The following DHX30 variants were observed in gnomAD, a reference collection of about 807,000 sequenced individuals.
DHX30 encodes the protein DExH-box helicase 30, also known as ATP-dependent RNA helicase DHX30.
In DHX30, 4 loss-of-function variants were observed where a neutral mutation model predicts 116.9. The observed-to-expected ratio is 0.03, with a 90% CI of 0.02 to 0.08. DHX30 has a LOEUF of 0.08. Ranked by LOEUF, DHX30 falls within the 10% of genes least tolerant of loss-of-function variation. The pLI is 1.00. For synonymous variants in DHX30, 697 were observed against 651.7 expected, an observed-to-expected ratio of 1.07 and a Z score of -1.06; for missense variants, 871 against 1,595.1, an observed-to-expected ratio of 0.55 and a Z score of 7.73.
At chr3:47,821,698 G>A (rs2036308934) in intron 4 of DHX30, among the ~76,000 whole-genome samples, 1 of 152,176 alleles carries the variant, frequency 6.6e-6, no homozygotes. Context: ...CTGGGTTTGA[G>A]CCATTCTCCT....
intron 6 of DHX30, 129 bp from the exon 7 acceptor site, chr3:47,840,748 G>A: frequency 1.8e-6 from 2 of 1,116,956 alleles, no homozygotes; most frequent in South Asian, 2.9e-5. Flanking sequence ...TGGACTAGGG[G>A]CTGAAGTGGG....
rs777049115 is a variant in DHX30, at chr3:47,845,838, A to G, written c.1078A>G (p.Thr360Ala). 14 of 1,599,302 alleles carry G rather than the reference A, an allele frequency of 8.8e-6. No individual in the cohort carries two copies. The African/African-American group carries it at 1.7e-4, about 20-fold the overall frequency. ...VPEPILRKIETFLNHYPVESS... is the reference protein window; with the variant it reads ...VPEPILRKIEAFLNHYPVESS... ...CGAGCCCATCCTCCGCAAGATAGAG[A>G]CCTTCCTGAACCATGTAAGAGGCCC... is the stretch of plus-strand genomic sequence containing the variant. Residue 360 changes from threonine to alanine, a missense_variant, in exon 10 of 22, where the codon ACC becomes GCC. Transcript: ENST00000445061.
chr3:47,848,176 C>T lies in DHX30; in HGVS notation c.2287-4C>T, dbSNP rs1037483229. 6 of 1,613,498 alleles carry T rather than the reference C, an allele frequency of 3.7e-6. No individual in the cohort carries two copies. The highest frequency in any genetic ancestry group is 5.1e-6 in the Non-Finnish European group (6 of 1,179,968). ...GTGTGCTGCTTACTTGCCACCTCCT[C>T]CAGGTGTCCTGCCTGGAGACAGTGT... On this transcript the variant is annotated splice_polypyrimidine_tract_variant and splice_region_variant and intron_variant, in intron 14 of 21. Coordinates refer to ENST00000445061, the MANE Select transcript of DHX30 (RefSeq NM_138615.3). The surrounding 1 kb of genome is among the most constrained non-coding windows in gnomAD (Gnocchi z 9.4).
rs896518028 is a variant in DHX30 at position 47,829,456 on chromosome 3, G to T, written c.366+322G>T. ...CTTTCTAGGTTCAAGTGATTCTCATGCCTTAGCCTCCCAAGTAGCTGGGAT... is the reference window on the plus strand; with the variant it reads ...CTTTCTAGGTTCAAGTGATTCTCATTCCTTAGCCTCCCAAGTAGCTGGGAT... On this transcript the variant is annotated intron_variant, in intron 6 of 21. Transcript: ENST00000445061. 7.4e-5 allele frequency among the ~76,000 whole-genome samples: 11 copies of T among 149,210 alleles called. No individual in the cohort carries two copies. In the Admixed American group the frequency reaches 7.5e-4, roughly 10 times the overall value.
At chr3:47,818,526 C>A (rs758010669) in intron 4 of DHX30, among the ~76,000 whole-genome samples, 10 of 152,196 alleles carry the variant, frequency 6.6e-5, no homozygotes, top group Non-Finnish European at 1.5e-4. Flanking sequence ...TGCTTTCCAT[C>A]TTGGAGGCTT....
intron 3 of DHX30, among the ~76,000 whole-genome samples, chr3:47,814,820 G>A (rs764111521): frequency 5.9e-5 from 9 of 151,458 alleles, no homozygotes; most frequent in Non-Finnish European, 1.2e-4. Context: ...ACGCCCGGCC[G>A]TTTTTTGTTA....
In DHX30 at chr3:47,849,398, CCT is replaced by C. The variant is rs777607794; in HGVS notation, c.3087+50_3087+51del. On this transcript the variant is annotated intron_variant, in intron 19 of 21. Coordinates refer to ENST00000445061, the MANE Select transcript of DHX30 (RefSeq NM_138615.3). ...AGTTCACCAGGTCCCAGCCTCCTTC[CCT>C]GTCTGCAGCTCCTTGCTCAGCCCCA... is the stretch of plus-strand genomic sequence containing the variant. 54 of 1,584,320 alleles carry C rather than the reference CCT, an allele frequency of 3.4e-5. No individual in the cohort carries two copies. In the South Asian group the frequency reaches 5.9e-4, roughly 17 times the overall value.
chr3:47,815,994 A>G (rs1274188169), intron 3 of DHX30: 1 of 984,920 alleles, frequency 1.0e-6, no homozygotes, highest in African/African-American at 1.8e-5. Context: ...ACCCTCCTTA[A>G]ACAGGAATGG....
intron 8 of DHX30, 60 bp downstream of exon 8, chr3:47,841,797 C>T (rs755427300): frequency 1.2e-6 from 2 of 1,612,778 alleles, no homozygotes; most frequent in Non-Finnish European, 1.7e-6. Context: ...GTCTGGTGTT[C>T]CCTAAAGGCA....
At chr3:47,846,078 T>A in intron 10 of DHX30, 87 bp from the exon 11 acceptor site, 2 of 1,482,032 alleles carry the variant, frequency 1.3e-6, no homozygotes, top group Non-Finnish European at 1.8e-6. Flanking sequence ...CCACAACATC[T>A]GACCCAGGCG....
At chr3:47,841,504 T>C in intron 7 of DHX30, 113 bp from the exon 8 acceptor site, 1 of 1,452,326 alleles carries the variant, frequency 6.9e-7, no homozygotes, top group South Asian at 1.3e-5. Flanking sequence ...TCATGCCTTC[T>C]GCCCTTCTGG....
chr3:47,815,902 C>A (rs1299713682), intron 3 of DHX30: 1 of 981,906 alleles, frequency 1.0e-6, no homozygotes, highest in Non-Finnish European at 1.2e-6. Context: ...GCTGAAAATG[C>A]TTAATGAGAT....
At chr3:47,842,609 C>G (rs188201894) in intron 8 of DHX30, 1 of 152,678 alleles carries the variant, frequency 6.5e-6, no homozygotes, top group African/African-American at 2.4e-5. Context: ...GCCCCTTCCT[C>G]GTGGCCGAAA....
chr3:47,810,575 C>A, intron 2 of DHX30, 82 bp from the exon 3 acceptor site: 2 of 1,102,448 alleles, frequency 1.8e-6, no homozygotes, highest in Non-Finnish European at 2.8e-6. Context: ...CTGAACAGTG[C>A]TCTCCATGTT....
intron 6 of DHX30, among the ~76,000 whole-genome samples, chr3:47,840,146 G>A (rs1211846864): frequency 6.6e-6 from 1 of 150,670 alleles, no homozygotes; most frequent in Non-Finnish European, 1.5e-5. Flanking sequence ...ACAGGCACTC[G>A]CCACCACGCC....
At chr3:47,825,346 T>C (rs1217873431) in intron 4 of DHX30, 1 of 537,614 alleles carries the variant, frequency 1.9e-6, no homozygotes, top group East Asian at 3.5e-5. Flanking sequence ...CGGCCGGGGG[T>C]CCTCTCTTCC....
At chr3:47,824,756 C>T (rs1007445639) in intron 4 of DHX30, 6 of 361,060 alleles carry the variant, frequency 1.7e-5, no homozygotes, top group Non-Finnish European at 2.5e-5. Flanking sequence ...GCATTATTTT[C>T]CCCCCAACAG....
chr3:47,816,715 G>C (rs2036075276), intron 3 of DHX30: 1 of 985,582 alleles, frequency 1.0e-6, no homozygotes, highest in African/African-American at 1.7e-5. Flanking sequence ...AGGTGGAGGT[G>C]GAGTTCTGAA....
At chr3:47,812,907 C>T (rs113775782) in intron 3 of DHX30, among the ~76,000 whole-genome samples, 2,607 of 151,822 alleles carry the variant, frequency 0.017, 88 homozygotes, top group African/African-American at 0.06. Context: ...CAAGTGATTT[C>T]GCCCATCTCG....
Sources: gnomAD v4.1 joint callset for allele counts (sites outside exome capture counted in the v4.1 genomes callset) on GRCh38, gnomAD v4.1.1 for gene constraint, Gnocchi (gnomAD v3.1) non-coding constraint, MANE v1.5 for transcripts, NCBI Gene and HGNC (gene_info 2026-07-23, HGNC 2026-07-21) for gene names.